The following CTBP2 variants were observed in gnomAD, a reference collection of about 807,000 sequenced individuals.
The protein encoded by CTBP2 is C-terminal binding protein 2.
A neutral mutation model predicts 80.3 loss-of-function variants in CTBP2; 30 were observed. That is an observed-to-expected ratio of 0.37 (90% CI 0.28 to 0.51). The LOEUF is 0.51. CTBP2 is among the 20% of genes least tolerant of loss of function. The pLI, the probability that CTBP2 is intolerant of heterozygous loss-of-function variation, is 0.93. For missense variants in CTBP2, 1,212 were observed against 1,375.3 expected, an observed-to-expected ratio of 0.88 and a Z score of 1.88; for synonymous variants, 594 against 587.4, an observed-to-expected ratio of 1.01 and a Z score of -0.16.
At chr10:125,003,519 G>A (rs757901384) in intron 1 of CTBP2, 27 bp from the exon 4 acceptor site, 6 of 1,516,914 alleles carry the variant, frequency 4.0e-6, no homozygotes, top group Non-Finnish European at 2.6e-6. Flanking sequence ...GGTGAGCACA[G>A]TGGGTGGGTG....
intron 3 of CTBP2, among the ~76,000 whole-genome samples, chr10:125,034,050 A>T (rs1958563265): frequency 6.6e-6 from 1 of 152,190 alleles, no homozygotes; most frequent in Non-Finnish European, 1.5e-5. Context: ...AAGTGGCCTT[A>T]ACATGTTGCT....
At chr10:125,034,163 A>G (rs905443064) in intron 3 of CTBP2, among the ~76,000 whole-genome samples, 1 of 152,146 alleles carries the variant, frequency 6.6e-6, no homozygotes, top group Non-Finnish European at 1.5e-5. Context: ...ACAACAGAGA[A>G]ATAAAACACC....
At chr10:125,072,634 G>GAAAAAAAA (rs55742060) in intron 2 of CTBP2, among the ~76,000 whole-genome samples, 19 of 100,140 alleles carry the variant, frequency 1.9e-4, no homozygotes, top group Non-Finnish European at 2.3e-4. Flanking sequence ...AAAAAGAAAA[G>GAAAAAAAA]AAAAAAAAAA....
intron 1 of CTBP2, among the ~76,000 whole-genome samples, chr10:125,020,160 G>A (rs1956896142): frequency 6.6e-6 from 1 of 152,168 alleles, no homozygotes; most frequent in Non-Finnish European, 1.5e-5. Context: ...AGGAAAATAG[G>A]AACCATACCT....
intron 1 of CTBP2, among the ~76,000 whole-genome samples, chr10:125,144,924 T>C (rs1487788990): frequency 6.6e-6 from 1 of 152,204 alleles, no homozygotes; most frequent in Non-Finnish European, 1.5e-5. Flanking sequence ...GAGTGAAATG[T>C]CAAGTGCATC....
intron 1 of CTBP2, among the ~76,000 whole-genome samples, chr10:125,145,707 A>C (rs1425075372): frequency 2.0e-5 from 3 of 152,104 alleles, no homozygotes; most frequent in African/African-American, 7.2e-5. Flanking sequence ...CACCAGCACC[A>C]CCGTCCCTAA....
upstream of CTBP2, chr10:125,161,294 G>A (rs921245349): frequency 1.3e-5 from 2 of 151,952 alleles, no homozygotes; most frequent in Admixed American, 6.5e-5. Flanking sequence ...AGGCGCGGGG[G>A]CCTCGGTGGC....
At chr10:125,112,640 G>A (rs1852500234) in intron 1 of CTBP2, among the ~76,000 whole-genome samples, 1 of 151,222 alleles carries the variant, frequency 6.6e-6, no homozygotes, top group Admixed American at 6.6e-5. Flanking sequence ...TGTTGGTCAG[G>A]CTGGTATCAA....
Position 124,986,565 on chromosome 10 carries a change from T to G in CTBP2, c.*2953A>C, listed in dbSNP as rs1473179896. 2.0e-5 allele frequency: 3 copies of G among 152,078 alleles called. No homozygotes were observed. Among genetic ancestry groups the G allele is most frequent in the East Asian group, 1.9e-4 (1 of 5,198 alleles). The allele number at this position is 152,078 out of a possible 1,614,324, so 9.4% of individuals were successfully genotyped here. A position where few individuals can be genotyped will look rare whatever the true frequency, so the allele number is the denominator to read the frequency against. The stretch of plus-strand genomic sequence containing the variant: ...TGCATGCTAAATCTTGCAGGAAAAA[T>G]GATTTTTTAGTACGATTCTGTAGAA... On this transcript the variant is annotated 3_prime_UTR_variant, in exon 9 of 9. Coordinates refer to ENST00000309035, the MANE Select transcript of CTBP2 (RefSeq NM_022802.3).
chr10:125,081,462 A>G (rs1242749456), intron 2 of CTBP2, among the ~76,000 whole-genome samples: 1 of 152,192 alleles, frequency 6.6e-6, no homozygotes, highest in African/African-American at 2.4e-5. Flanking sequence ...CTCCATCCCT[A>G]AATACTTTAG....
In CTBP2 at chr10:125,018,351, C is replaced by CCCA. The variant is rs1956705004; in HGVS notation, c.1678+7728_1678+7730dup. Among the ~76,000 whole-genome samples, 13 of 152,210 alleles carry CCCA rather than the reference C, an allele frequency of 8.5e-5. No homozygotes were observed. In the South Asian group the frequency reaches 2.7e-3, roughly 32 times the overall value. ...ACCAGCCTGGCCAACATGGAGAAATCCCATCTCTACTAATACAAAAATTAA... is the reference window on the plus strand; with the variant it reads ...ACCAGCCTGGCCAACATGGAGAAATCCCACCATCTCTACTAATACAAAAATTAA... On this transcript the variant is annotated intron_variant, in intron 1 of 8. Coordinates refer to ENST00000309035, the MANE Select transcript of CTBP2 (RefSeq NM_022802.3).
upstream of CTBP2, among the ~76,000 whole-genome samples, chr10:125,031,925 C>T (rs1176640484): frequency 1.3e-5 from 2 of 152,176 alleles, no homozygotes; most frequent in Non-Finnish European, 2.9e-5. Flanking sequence ...TCATGTCTCT[C>T]AGTATTTAGC....
At chr10:125,035,370 G>A (rs1078597) in intron 3 of CTBP2, among the ~76,000 whole-genome samples, 13,088 of 152,182 alleles carry the variant, frequency 0.086, 764 homozygotes, top group Admixed American at 0.17. Flanking sequence ...TTTTTGCAGA[G>A]GAAATGGAGA....
At chr10:125,145,124 C>G (rs1173974974) in intron 1 of CTBP2, among the ~76,000 whole-genome samples, 1 of 152,214 alleles carries the variant, frequency 6.6e-6, no homozygotes, top group Admixed American at 6.5e-5. Context: ...TTCTTTCAAC[C>G]ATTTTTCATG....
rs35470596 is a variant in CTBP2, at chr10:125,047,165, CA to C, written c.-101-8011del. Among the ~76,000 whole-genome samples, 734 of 148,970 alleles carry C rather than the reference CA, an allele frequency of 4.9e-3. 7 individuals carry two copies. Among genetic ancestry groups the C allele is most frequent in the African/African-American group, 0.017 (704 of 40,552 alleles). Reference sequence around the variant, plus strand: ...GTGTTATTTAATAATAAAGGTTAAGCAAAAAAAAAGGGATAAAAGCAAATAA... The same window carrying C: ...GTGTTATTTAATAATAAAGGTTAAGCAAAAAAAAGGGATAAAAGCAAATAA... On this transcript the variant is annotated intron_variant, in intron 2 of 10. Transcript: ENST00000337195.
intron 1 of CTBP2, among the ~76,000 whole-genome samples, chr10:125,151,668 G>A (rs1859906698): frequency 1.3e-5 from 2 of 152,362 alleles, no homozygotes; most frequent in East Asian, 1.9e-4. Context: ...CCGCTGCGGG[G>A]TGGAGGCGGC....
At chr10:125,088,773 C>T (rs1848367182) in intron 2 of CTBP2, among the ~76,000 whole-genome samples, 1 of 152,184 alleles carries the variant, frequency 6.6e-6, no homozygotes, top group African/African-American at 2.4e-5. Context: ...AGATCACACC[C>T]TTCATACTTC....
Position 125,027,114 on chromosome 10 carries a change from C to T in CTBP2, c.646G>A (p.Glu216Lys), listed in dbSNP as rs112433109. The T allele has an allele frequency of 1.0e-3, 1,665 of 1,605,976 alleles. 21 individuals carry two copies. The African/African-American group carries it at 0.019, about 18-fold the overall frequency. Residue 216 changes from glutamate to lysine, a missense_variant, in exon 1 of 9, where the codon GAA (glutamate) becomes AAA (lysine). By Grantham distance (56) the Glu-to-Lys change is moderately conservative. Transcript: ENST00000309035. ...GCAGGGGCAGGGTCAATGGGTCTTTCGCTGATGTCGCTGAAGACCTGGCTG... is the reference window on the plus strand; with the variant it reads ...GCAGGGGCAGGGTCAATGGGTCTTTTGCTGATGTCGCTGAAGACCTGGCTG...
chr10:125,147,186 T>A (rs1858935870), intron 1 of CTBP2, among the ~76,000 whole-genome samples: 1 of 152,074 alleles, frequency 6.6e-6, no homozygotes, highest in Admixed American at 6.5e-5. Flanking sequence ...ACAAATATGC[T>A]CCTCGGAATG....
Sources: allele counts gnomAD v4.1 joint callset (sites outside exome capture counted in the v4.1 genomes callset), GRCh38; gene constraint gnomAD v4.1.1; transcripts MANE v1.5; gene names NCBI Gene and HGNC (gene_info 2026-07-23, HGNC 2026-07-21).